The following LDB2 variants were observed in gnomAD, a reference collection of about 807,000 sequenced individuals.
The protein encoded by LDB2 is LIM domain binding 2.
A neutral mutation model predicts 44.3 loss-of-function variants in LDB2; 12 were observed. The observed-to-expected ratio is 0.27, with a 90% CI of 0.17 to 0.44. The LOEUF (loss-of-function observed/expected upper bound fraction) is 0.44. Among genes scored for constraint, LDB2 ranks in the 20% least tolerant of loss-of-function variants. The pLI, the probability that LDB2 is intolerant of heterozygous loss-of-function variation, is 1.00. For missense variants in LDB2, 344 were observed against 473.5 expected (o/e 0.73, Z 2.54); for synonymous variants, 164 against 174.8 (o/e 0.94, Z 0.49).
intron 1 of LDB2, among the ~76,000 whole-genome samples, chr4:16,872,997 T>G (rs1217439176): frequency 1.3e-5 from 2 of 152,090 alleles, no homozygotes; most frequent in Admixed American, 1.3e-4. Flanking sequence ...GGGAAAGCAA[T>G]CAGATAAGGA....
intron 2 of LDB2, among the ~76,000 whole-genome samples, chr4:16,704,358 T>C (rs1754139239): frequency 6.6e-6 from 1 of 152,234 alleles, no homozygotes; most frequent in African/African-American, 2.4e-5. Context: ...GCTATATTAT[T>C]GTTACTTCTA....
chr4:16,799,661 T>A (rs1395640152), intron 1 of LDB2, among the ~76,000 whole-genome samples: 1 of 152,172 alleles, frequency 6.6e-6, no homozygotes, highest in East Asian at 1.9e-4. Context: ...GCATGGGAAA[T>A]GCAGTCTCAG....
chr4:16,791,756 G>A (rs1362196148), intron 1 of LDB2, among the ~76,000 whole-genome samples: 1 of 152,050 alleles, frequency 6.6e-6, no homozygotes, highest in Non-Finnish European at 1.5e-5. Context: ...GAGGCTGGGA[G>A]GCTTGCACGA....
At chr4:16,804,804 T>A (rs1778473986) in intron 1 of LDB2, among the ~76,000 whole-genome samples, 1 of 152,214 alleles carries the variant, frequency 6.6e-6, no homozygotes, top group Non-Finnish European at 1.5e-5. Flanking sequence ...TTCTTCTTGT[T>A]TTTGGCTAAA....
intron 3 of LDB2, among the ~76,000 whole-genome samples, chr4:16,592,505 T>TATATATATAC (rs757702164): frequency 1.5e-4 from 16 of 108,024 alleles, no homozygotes; most frequent in East Asian, 5.4e-4. Context: ...TATATATATA[T>TATATATATAC]ACACACACAC....
intron 1 of LDB2, among the ~76,000 whole-genome samples, chr4:16,883,463 C>T (rs1370166152): frequency 6.6e-6 from 1 of 152,210 alleles, no homozygotes; most frequent in Admixed American, 6.5e-5. Flanking sequence ...GCATATGGGC[C>T]TGCAATGGGG....
chr4:16,694,946 C>T (rs953312454), intron 2 of LDB2, among the ~76,000 whole-genome samples: 2 of 152,174 alleles, frequency 1.3e-5, no homozygotes, highest in African/African-American at 4.8e-5. Flanking sequence ...CCCCAGTTTG[C>T]CAGGGAAACA....
In LDB2 at chr4:16,633,863, T is replaced by C. The variant is rs1019388244; in HGVS notation, c.236-37988A>G. ...CATCATGCTACCTGACTTCAAACTA[T>C]ACTAAAAGGCTACAGTAACCAAAAC... is the stretch of plus-strand genomic sequence containing the variant. On this transcript the variant is annotated intron_variant, in intron 2 of 7. Transcript: ENST00000304523. Among the ~76,000 whole-genome samples, 22 of 152,284 alleles carry C rather than the reference T, an allele frequency of 1.4e-4. No individual in the cohort carries two copies. In the East Asian group the frequency reaches 1.7e-3, roughly 12 times the overall value.
intron 2 of LDB2, among the ~76,000 whole-genome samples, chr4:16,742,190 G>A (rs1763426129): frequency 6.7e-6 from 1 of 150,322 alleles, no homozygotes; most frequent in Non-Finnish European, 1.5e-5. Flanking sequence ...TCCTGCCTCA[G>A]TCTCCCAAGT....
chr4:16,884,853 T>C (rs959556421), intron 1 of LDB2, among the ~76,000 whole-genome samples: 2 of 152,208 alleles, frequency 1.3e-5, no homozygotes, highest in African/African-American at 4.8e-5. Context: ...ACATAGATTC[T>C]GTTATTCCCT....
intron 3 of LDB2, among the ~76,000 whole-genome samples, chr4:16,591,590 C>G (rs946053771): frequency 4.6e-5 from 7 of 152,102 alleles, no homozygotes; most frequent in Non-Finnish European, 7.4e-5. Context: ...TGGTCTTCCC[C>G]AAGTAATTAC....
chr4:16,588,628 G>A, intron 4 of LDB2, 82 bp downstream of exon 4: 1 of 1,406,938 alleles, frequency 7.1e-7, no homozygotes, highest in Non-Finnish European at 9.9e-7. Flanking sequence ...CTTTCACAGA[G>A]AGAGGACTGG....
At chr4:16,817,375 G>A (rs1317929493) in intron 1 of LDB2, among the ~76,000 whole-genome samples, 1 of 152,184 alleles carries the variant, frequency 6.6e-6, no homozygotes, top group East Asian at 1.9e-4. Flanking sequence ...TTAAAGAACA[G>A]TGGCCCTGCT....
chr4:16,633,895 G>A (rs929841241), intron 2 of LDB2, among the ~76,000 whole-genome samples: 1 of 152,168 alleles, frequency 6.6e-6, no homozygotes. Flanking sequence ...AAACAGCATG[G>A]TGCTGGTACC....
At chr4:16,720,532 A>G (rs1758046275) in intron 2 of LDB2, among the ~76,000 whole-genome samples, 1 of 152,098 alleles carries the variant, frequency 6.6e-6, no homozygotes. Context: ...GACACACCTG[A>G]GTTCAAACAC....
intron 6 of LDB2, among the ~76,000 whole-genome samples, chr4:16,509,842 G>A (rs557302982): frequency 6.6e-5 from 10 of 152,258 alleles, no homozygotes; most frequent in African/African-American, 2.2e-4. Flanking sequence ...CTGGACGGGT[G>A]CCATGGCTCA....
chr4:16,698,741 C>A (rs1012732866), intron 2 of LDB2, among the ~76,000 whole-genome samples: 1 of 151,804 alleles, frequency 6.6e-6, no homozygotes, highest in Non-Finnish European at 1.5e-5. Flanking sequence ...TTTTATTTGC[C>A]ATACAGAGAA....
intron 2 of LDB2, among the ~76,000 whole-genome samples, chr4:16,750,045 A>G (rs756379824): frequency 6.6e-6 from 1 of 152,212 alleles, no homozygotes; most frequent in Non-Finnish European, 1.5e-5. Flanking sequence ...AAGATATACA[A>G]TATGTTTTGA....
intron 1 of LDB2, among the ~76,000 whole-genome samples, chr4:16,867,648 G>C (rs972789634): frequency 6.6e-6 from 1 of 152,084 alleles, no homozygotes; most frequent in Non-Finnish European, 1.5e-5. Context: ...TGGTAAAGAG[G>C]GCTCTTTAAA....
Sources: allele counts gnomAD v4.1 joint callset (sites outside exome capture counted in the v4.1 genomes callset), GRCh38; gene constraint gnomAD v4.1.1; transcripts MANE v1.5; gene names NCBI Gene and HGNC (gene_info 2026-07-23, HGNC 2026-07-21).